PPP1R13B: variants seen among roughly 807,000 people sequenced by gnomAD.
PPP1R13B encodes protein phosphatase 1 regulatory subunit 13B.
Under a neutral mutation model 119.8 loss-of-function variants are expected in PPP1R13B, and 44 were observed. The ratio of observed to expected loss-of-function variants is 0.37; its 90% CI spans 0.29 to 0.47. The LOEUF (loss-of-function observed/expected upper bound fraction) is 0.47, where lower values mean the gene tolerates loss of function less well. Ranked by LOEUF, PPP1R13B falls within the 20% of genes least tolerant of loss-of-function variation. PPP1R13B has a pLI of 0.99. For missense variants in PPP1R13B, 1,227 were observed against 1,413.5 expected, an observed-to-expected ratio of 0.87 and a Z score of 2.12; for synonymous variants, 542 against 561.5, an observed-to-expected ratio of 0.97 and a Z score of 0.49.
chr14:103,813,622 G>A (rs2152061691), intron 1 of PPP1R13B, among the ~76,000 whole-genome samples: 1 of 152,306 alleles, frequency 6.6e-6, no homozygotes, highest in South Asian at 2.1e-4. Flanking sequence ...AGGTCTCCCA[G>A]GCACGCAGAA....
rs2084006744 is a variant in PPP1R13B, at chr14:103,733,414, C to CT, written c.*1739dup. 5.1e-6 allele frequency: 1 copy of CT among 196,264 alleles called. No individual in the cohort carries two copies. The highest frequency in any genetic ancestry group is 2.4e-5 in the African/African-American group (1 of 42,266). 12.2% of individuals were successfully genotyped at this position (196,264 alleles called of 1,614,324 possible). ...GTTTGGGCAGTAGGAACTCAGGCTT[C>CT]TGGTCTGCAGTGGAGCCTGTTCGCC... On this transcript the variant is annotated 3_prime_UTR_variant, in exon 17 of 17. Transcript: ENST00000202556.
In PPP1R13B at chr14:103,779,653, G is replaced by C. The variant is rs2085293016; in HGVS notation, c.278-832C>G. ...AGAAAGTAGCGAGGCATGGTGACAT[G>C]TGCCTCATGTGCCTGTAGTCCCAGC... On this transcript the variant is annotated intron_variant, in intron 3 of 16. Coordinates refer to ENST00000202556, the MANE Select transcript of PPP1R13B (RefSeq NM_015316.3). 2.6e-5 allele frequency among the ~76,000 whole-genome samples: 4 copies of C among 151,296 alleles called. No individual in the cohort carries two copies. The South Asian group carries it at 8.3e-4, about 32-fold the overall frequency.
chr14:103,826,656 G>C (rs1025677496), intron 1 of PPP1R13B, among the ~76,000 whole-genome samples: 6 of 151,696 alleles, frequency 4.0e-5, no homozygotes, highest in Admixed American at 1.3e-4. Context: ...TGCACAGTGG[G>C]GAAGACAGGA....
At chr14:103,790,016 C>A (rs982952317) in intron 2 of PPP1R13B, among the ~76,000 whole-genome samples, 11 of 151,960 alleles carry the variant, frequency 7.2e-5, no homozygotes, top group African/African-American at 2.7e-4. Flanking sequence ...GAGGCCGAGG[C>A]AGGCATATCA....
chr14:103,774,913 T>G (rs1359992790), intron 4 of PPP1R13B, among the ~76,000 whole-genome samples: 1 of 152,190 alleles, frequency 6.6e-6, no homozygotes, highest in Admixed American at 6.5e-5. Context: ...CTTCCAATCC[T>G]AAATTATTCC....
At chr14:103,770,284 CAGGAGGA>C (rs2085036767) in intron 4 of PPP1R13B, among the ~76,000 whole-genome samples, 1 of 152,126 alleles carries the variant, frequency 6.6e-6, no homozygotes, top group Non-Finnish European at 1.5e-5. Context: ...GAGACTGAGG[CAGGAGGA>C]TCACTCGAGC....
At chr14:103,780,485 CAAAAAAAAAAAAAAAAAAA>C (rs34274916) in intron 3 of PPP1R13B, among the ~76,000 whole-genome samples, 7 of 36,212 alleles carry the variant, frequency 1.9e-4, no homozygotes, top group African/African-American at 8.8e-4. Flanking sequence ...AACCCTGTCT[CAAAAAAAAAAAAAAAAAAA>C]AAAAAAAAAA....
intron 4 of PPP1R13B, chr14:103,762,719 C>T (rs1372180877): frequency 4.4e-5 from 28 of 637,492 alleles, no homozygotes; most frequent in Middle Eastern, 4.2e-4. Context: ...TGGGTGTCGG[C>T]GGTGGCCGTG....
intron 4 of PPP1R13B, among the ~76,000 whole-genome samples, chr14:103,778,157 T>C (rs1434087777): frequency 4.6e-5 from 7 of 151,816 alleles, no homozygotes; most frequent in Admixed American, 3.9e-4. Flanking sequence ...TTTCACCATA[T>C]TGGCCAGCCT....
intron 1 of PPP1R13B, among the ~76,000 whole-genome samples, chr14:103,834,676 C>T (rs1342381977): frequency 1.3e-5 from 2 of 150,842 alleles, no homozygotes; most frequent in Non-Finnish European, 3.0e-5. Flanking sequence ...CCACAACCTC[C>T]GCCCTCCGGG....
chr14:103,847,369 GC>G lies in PPP1R13B; in HGVS notation c.-63del. On this transcript the variant is annotated 5_prime_UTR_variant, in exon 1 of 17. Coordinates refer to ENST00000202556, the MANE Select transcript of PPP1R13B (RefSeq NM_015316.3). ...GACAGGACGCTCCGCGCCGAGCTGT[GC>G]CCACCGCTCCGGCCGCCTCCTAAGG... 1 of 1,139,716 alleles carries G rather than the reference GC, an allele frequency of 8.8e-7. No individual in the cohort carries two copies. The highest frequency in any genetic ancestry group is 1.1e-6 in the Non-Finnish European group (1 of 922,544). The allele number at this position is 1,139,716 out of a possible 1,614,324, so 70.6% of individuals were successfully genotyped here. A position where few individuals can be genotyped will look rare whatever the true frequency, so the allele number is the denominator to read the frequency against.
At chr14:103,787,419 T>C (rs971076073) in intron 2 of PPP1R13B, among the ~76,000 whole-genome samples, 2 of 151,580 alleles carry the variant, frequency 1.3e-5, no homozygotes, top group East Asian at 2.0e-4. Flanking sequence ...CTTCACTCCA[T>C]GCACTCCAGC....
At position 103,736,111 on chromosome 14, in the gene PPP1R13B, G is replaced by C. The variant is rs200754439; in HGVS notation, c.3123C>G (p.His1041Gln). 6.2e-7 allele frequency: 1 copy of C among 1,614,104 alleles called. No homozygotes were observed. Among genetic ancestry groups the C allele is most frequent in the Non-Finnish European group, 8.5e-7 (1 of 1,180,042 alleles). Reference sequence around the variant, plus strand: ...TCAGGATGGTGAGGGCGTCCCCTTCGTGGAAGGACAGCTCGTCACTGTTCT... The same window carrying C: ...TCAGGATGGTGAGGGCGTCCCCTTCCTGGAAGGACAGCTCGTCACTGTTCT... ...EAQNSDELSF[H>Q]EGDALTILRR... is the part of the protein sequence containing the mutation. Residue 1041 changes from histidine (H) to glutamine (Q), a missense_variant, in exon 16 of 17, where the codon CAC (histidine) becomes CAG (glutamine). His to Gln is a conservative substitution (Grantham distance 24). Transcript: ENST00000202556.
intron 4 of PPP1R13B, chr14:103,762,995 C>A: frequency 7.0e-7 from 1 of 1,429,508 alleles, no homozygotes; most frequent in South Asian, 1.2e-5. Context: ...GAAAGACAAA[C>A]GGCAAAATTC....
chr14:103,760,332 A>AAACCTATT (rs1324556282), intron 4 of PPP1R13B, among the ~76,000 whole-genome samples: 1 of 152,216 alleles, frequency 6.6e-6, no homozygotes, highest in Non-Finnish European at 1.5e-5. Context: ...TTATTCAAAC[A>AAACCTATT]AACCTATTAC....
intron 5 of PPP1R13B, among the ~76,000 whole-genome samples, chr14:103,757,023 A>C (rs2084693862): frequency 6.6e-6 from 1 of 151,236 alleles, no homozygotes; most frequent in East Asian, 1.9e-4. Flanking sequence ...TGGCCTCCCA[A>C]AGTGCTGGGA....
rs2085272044 is a variant in PPP1R13B at position 103,778,832 on chromosome 14, A to G, written c.278-11T>C. ...GGGTCTGACGGCCACCTAAAGAAAT[A>G]AAAGAACCAAACTCACCAAAAGGCG... On this transcript the variant is annotated splice_polypyrimidine_tract_variant and intron_variant, in intron 3 of 16. Coordinates refer to ENST00000202556, the MANE Select transcript of PPP1R13B (RefSeq NM_015316.3). The G allele has an allele frequency of 6.2e-7, 1 of 1,608,538 alleles. No individual in the cohort carries two copies.
intron 1 of PPP1R13B, among the ~76,000 whole-genome samples, chr14:103,837,513 C>T (rs2086804993): frequency 6.6e-6 from 1 of 151,890 alleles, no homozygotes; most frequent in Admixed American, 6.6e-5. Flanking sequence ...CCCTCCCTCC[C>T]TCCTTCCTTC....
rs2151960642 is a variant in PPP1R13B, at chr14:103,737,829, T to C, written c.2896A>G (p.Ser966Gly). Residue 966 changes from serine (S) to glycine (G), a missense_variant, in exon 15 of 17, where the codon AGC (serine) becomes GGC (glycine). By Grantham distance (56) the Ser-to-Gly change is moderately conservative. Coordinates refer to ENST00000202556, the MANE Select transcript of PPP1R13B (RefSeq NM_015316.3). ...TPLHCAASCN[S>G]VHLCKQLVES... ...ACCAGCTGTTTGCAGAGGTGAACGC[T>C]GTTACAAGAGGCAGCGCAGTGCAGC... 1.2e-6 allele frequency: 2 copies of C among 1,614,176 alleles called. No individual in the cohort carries two copies. Among genetic ancestry groups the C allele is most frequent in the African/African-American group, 2.7e-5 (2 of 75,066 alleles).
Sources: allele counts gnomAD v4.1 joint callset (sites outside exome capture counted in the v4.1 genomes callset), GRCh38; gene constraint gnomAD v4.1.1; transcripts MANE v1.5; gene names NCBI Gene and HGNC (gene_info 2026-07-23, HGNC 2026-07-21).